MAP4: variants seen among roughly 807,000 people sequenced by gnomAD.
MAP4 encodes the protein microtubule associated protein 4.
A neutral mutation model predicts 170.2 loss-of-function variants in MAP4; 76 were observed. The ratio of observed to expected loss-of-function variants is 0.45; its 90% CI spans 0.37 to 0.54. The LOEUF is 0.54. Ranked by LOEUF, MAP4 falls within the 20% of genes least tolerant of loss-of-function variation. MAP4 has a pLI of 0.00. For synonymous variants in MAP4, 909 were observed against 994.5 expected, an observed-to-expected ratio of 0.91 and a Z score of 1.62; for missense variants, 2,506 against 2,748.0, an observed-to-expected ratio of 0.91 and a Z score of 1.97.
chr3:47,909,578 C>G lies in MAP4; in HGVS notation c.4843G>C (p.Glu1615Gln). 6.2e-7 allele frequency: 1 copy of G among 1,612,794 alleles called. No individual in the cohort carries two copies. The highest frequency in any genetic ancestry group is 1.1e-5 in the South Asian group (1 of 91,084). The stretch of plus-strand genomic sequence containing the variant: ...GGAATCTGAACTGCAACAGACCCTT[C>G]TTTAGTCTCTTTCTCTTCATTCACT... ...HPVNEEKETKEGSVAVQIPDL... is the reference protein window; with the variant it reads ...HPVNEEKETKQGSVAVQIPDL... Residue 1615 changes from glutamate (E) to glutamine (Q), a missense_variant, in exon 9 of 21, where the codon GAA becomes CAA. Physicochemically the swap from Glu to Gln is conservative, Grantham distance 29. Around this residue, in one of 3 missense-constraint regions of MAP4, gnomAD observed 2,008 missense variants for 2,206.0 expected, o/e 0.91. Coordinates refer to ENST00000683076, the MANE Select transcript of MAP4 (RefSeq NM_001385682.1).
At chr3:48,030,264 C>A (rs1035713068) in intron 1 of MAP4, among the ~76,000 whole-genome samples, 2 of 151,432 alleles carry the variant, frequency 1.3e-5, no homozygotes, top group African/African-American at 4.8e-5. Flanking sequence ...CATTTCCAGT[C>A]CTTTCAAACT....
At chr3:47,883,379 C>T (rs535733306) in intron 10 of MAP4, among the ~76,000 whole-genome samples, 5 of 152,216 alleles carry the variant, frequency 3.3e-5, no homozygotes, top group Admixed American at 3.3e-4. Context: ...TATGCGTCAC[C>T]ACGCCCGGCT....
intron 1 of MAP4, among the ~76,000 whole-genome samples, chr3:48,056,428 G>A (rs1259497507): frequency 3.9e-4 from 26 of 66,856 alleles, no homozygotes; most frequent in Non-Finnish European, 4.8e-4. Flanking sequence ...CGCCCCGTCC[G>A]GGAGGGAGGT....
chr3:47,964,842 T>C (rs1343696643), intron 3 of MAP4, among the ~76,000 whole-genome samples: 1 of 152,222 alleles, frequency 6.6e-6, no homozygotes, highest in Non-Finnish European at 1.5e-5. Context: ...TCCCTTTAAA[T>C]ATGAGCTGCA....
intron 2 of MAP4, among the ~76,000 whole-genome samples, chr3:47,993,669 T>C (rs975567659): frequency 1.3e-5 from 2 of 152,238 alleles, no homozygotes; most frequent in East Asian, 1.9e-4. Flanking sequence ...AGATGAAATA[T>C]GGTTTTACCA....
intron 1 of MAP4, among the ~76,000 whole-genome samples, chr3:48,023,254 T>C (rs1181748139): frequency 3.3e-5 from 5 of 152,206 alleles, no homozygotes; most frequent in East Asian, 1.9e-4. Flanking sequence ...AACTGAACTA[T>C]GGCATTATTC....
chr3:47,864,540 T>G (rs939961662), intron 17 of MAP4, among the ~76,000 whole-genome samples: 7 of 151,938 alleles, frequency 4.6e-5, no homozygotes, highest in African/African-American at 1.7e-4. Flanking sequence ...AGCTGGGCAT[T>G]GTGGCGGGCG....
intron 1 of MAP4, among the ~76,000 whole-genome samples, chr3:48,083,353 G>C (rs923510891): frequency 1.3e-5 from 2 of 152,144 alleles, no homozygotes; most frequent in Non-Finnish European, 2.9e-5. Flanking sequence ...ATAAAAAGAA[G>C]TGAGGAAAGT....
At chr3:48,037,426 T>C (rs2100119288) in intron 1 of MAP4, among the ~76,000 whole-genome samples, 1 of 152,142 alleles carries the variant, frequency 6.6e-6, no homozygotes, top group Non-Finnish European at 1.5e-5. Flanking sequence ...CAGGGTCTCA[T>C]TCTGTTACTC....
chr3:47,873,542 C>T (rs930041921), intron 12 of MAP4, among the ~76,000 whole-genome samples: 1 of 152,176 alleles, frequency 6.6e-6, no homozygotes, highest in Admixed American at 6.5e-5. Context: ...CATCCAAAGT[C>T]TAACTCTGCA....
chr3:48,084,455 A>C (rs2100148086), intron 1 of MAP4, among the ~76,000 whole-genome samples: 1 of 152,070 alleles, frequency 6.6e-6, no homozygotes, highest in Non-Finnish European at 1.5e-5. Flanking sequence ...TTAAAATGTT[A>C]ATGACATCCA....
At chr3:47,995,307 G>A (rs1281815364) in intron 2 of MAP4, among the ~76,000 whole-genome samples, 4 of 143,698 alleles carry the variant, frequency 2.8e-5, no homozygotes, top group Admixed American at 7.1e-5. Context: ...CTGGAGTGCA[G>A]TGGCACGCTC....
chr3:48,080,048 A>G (rs1218960693), intron 1 of MAP4, among the ~76,000 whole-genome samples: 1 of 152,226 alleles, frequency 6.6e-6, no homozygotes, highest in Non-Finnish European at 1.5e-5. Context: ...TAGCTGGGGG[A>G]AAAGCCACTA....
At chr3:48,025,903 A>AAAAAAAAATAATAAT in intron 1 of MAP4, among the ~76,000 whole-genome samples, 1 of 140,256 alleles carries the variant, frequency 7.1e-6, no homozygotes, top group South Asian at 2.3e-4. Context: ...TCTGCCTCAA[A>AAAAAAAAATAATAAT]AATAATAATA....
intron 1 of MAP4, chr3:48,013,454 C>T (rs2100106336): frequency 1.3e-5 from 2 of 152,094 alleles, no homozygotes; most frequent in Admixed American, 1.3e-4. Context: ...TACTGAAGCA[C>T]CAGTTTAATC....
chr3:48,003,954 G>A (rs910364091), intron 1 of MAP4, among the ~76,000 whole-genome samples: 10 of 152,150 alleles, frequency 6.6e-5, no homozygotes, highest in Admixed American at 3.3e-4. Context: ...CTCGAACATC[G>A]GACTCCACGT....
chr3:48,034,548 C>CA (rs544726428), intron 1 of MAP4, among the ~76,000 whole-genome samples: 138 of 151,612 alleles, frequency 9.1e-4, no homozygotes, highest in African/African-American at 3.2e-3. Flanking sequence ...ACTAAAAATA[C>CA]AAAAAAAGAG....
intron 6 of MAP4, among the ~76,000 whole-genome samples, chr3:47,917,415 CT>C (rs1425004058): frequency 6.6e-6 from 1 of 151,922 alleles, no homozygotes; most frequent in Admixed American, 6.6e-5. Context: ...TGGTGAAACC[CT>C]GTCTCTACTA....
chr3:48,043,757 T>C (rs776266867), intron 1 of MAP4, among the ~76,000 whole-genome samples: 5 of 152,054 alleles, frequency 3.3e-5, no homozygotes, highest in African/African-American at 4.8e-5. Context: ...TTTTACACAA[T>C]AGTGCAAAAC....
Sources: allele counts gnomAD v4.1 joint callset (sites outside exome capture counted in the v4.1 genomes callset), GRCh38; gene constraint gnomAD v4.1.1; regional missense constraint gnomAD v4.1.1; transcripts MANE v1.5; gene names NCBI Gene and HGNC (gene_info 2026-07-23, HGNC 2026-07-21).